MAML2: variants seen among roughly 807,000 people sequenced by gnomAD.
MAML2 encodes mastermind like transcriptional coactivator 2.
In MAML2, 22 loss-of-function variants were observed where a neutral mutation model predicts 96.1. The ratio of observed to expected loss-of-function variants is 0.23; its 90% confidence interval spans 0.16 to 0.33. The LOEUF (loss-of-function observed/expected upper bound fraction) is 0.33, where lower values mean the gene tolerates loss of function less well. Ranked by LOEUF, MAML2 falls within the 10% of genes least tolerant of loss-of-function variation. The pLI is 1.00. For synonymous variants in MAML2, 561 were observed against 521.3 expected (o/e 1.08, Z -1.04); for missense variants, 1,367 against 1,392.4 (o/e 0.98, Z 0.29).
intron 1 of MAML2, among the ~76,000 whole-genome samples, chr11:96,133,159 A>G (rs1014478396): frequency 2.6e-5 from 4 of 152,214 alleles, no homozygotes; most frequent in Admixed American, 2.6e-4. Context: ...GATAACTTTT[A>G]TCCAAGGTAC....
At position 96,118,276 on chromosome 11, in the gene MAML2, A is replaced by G. The variant is rs1054134117; in HGVS notation, c.514-24759T>C. ...TATACGGTTTGGCTCTGTGTCCCCA[A>G]CCAAATCTCATCTCAAATTGTAATC... is the stretch of plus-strand genomic sequence containing the variant. On this transcript the variant is annotated intron_variant, in intron 1 of 4. Coordinates refer to ENST00000524717, the MANE Select transcript of MAML2 (RefSeq NM_032427.4). Among the ~76,000 whole-genome samples the G allele has an allele frequency of 4.6e-5, 7 of 151,758 alleles. 1 individual carries two copies. Among genetic ancestry groups the G allele is most frequent in the African/African-American group, 1.2e-4 (5 of 41,384 alleles).
intron 1 of MAML2, among the ~76,000 whole-genome samples, chr11:96,194,762 A>G (rs1291181924): frequency 6.6e-6 from 1 of 151,616 alleles, no homozygotes; most frequent in Non-Finnish European, 1.5e-5. Flanking sequence ...CCCTTTCTTT[A>G]TTCTCAGGAA....
At chr11:96,127,924 C>T (rs1369411872) in intron 1 of MAML2, among the ~76,000 whole-genome samples, 2 of 152,102 alleles carry the variant, frequency 1.3e-5, no homozygotes, top group Non-Finnish European at 2.9e-5. Context: ...TGTTCAAATC[C>T]AGTAATGCAA....
chr11:96,139,206 G>A (rs541739922), intron 1 of MAML2, among the ~76,000 whole-genome samples: 1 of 152,252 alleles, frequency 6.6e-6, no homozygotes, highest in African/African-American at 2.4e-5. Context: ...AAAAGACAGT[G>A]GTGGCTCACA....
intron 2 of MAML2, among the ~76,000 whole-genome samples, chr11:96,091,147 A>C (rs1591006258): frequency 6.6e-6 from 1 of 152,306 alleles, no homozygotes; most frequent in East Asian, 1.9e-4. Context: ...CAAACGATGT[A>C]AGGTTACCAG....
intron 1 of MAML2, among the ~76,000 whole-genome samples, chr11:96,326,089 A>ACC (rs1555040453): frequency 1.1e-5 from 1 of 88,230 alleles, no homozygotes; most frequent in South Asian, 4.7e-4. Context: ...CTCTCTGTCT[A>ACC]CCCCGCCCCC....
chr11:96,216,038 T>TAA (rs71459795), intron 1 of MAML2, among the ~76,000 whole-genome samples: 1 of 149,960 alleles, frequency 6.7e-6, no homozygotes, highest in African/African-American at 2.4e-5. Context: ...TCAATTTGCT[T>TAA]AAAAAAAAAA....
At chr11:96,246,406 A>G (rs1862512893) in intron 1 of MAML2, among the ~76,000 whole-genome samples, 1 of 152,084 alleles carries the variant, frequency 6.6e-6, no homozygotes, top group Non-Finnish European at 1.5e-5. Context: ...ACATGGTTGA[A>G]CTACATACAA....
chr11:96,081,944 C>A (rs1859534746), intron 2 of MAML2, among the ~76,000 whole-genome samples: 1 of 152,190 alleles, frequency 6.6e-6, no homozygotes, highest in African/African-American at 2.4e-5. Flanking sequence ...TAAAATTATT[C>A]AAACCCATTT....
chr11:96,121,196 C>A (rs1860334839), intron 1 of MAML2, among the ~76,000 whole-genome samples: 1 of 152,200 alleles, frequency 6.6e-6, no homozygotes, highest in African/African-American at 2.4e-5. Context: ...AGAATCCAAA[C>A]CCCATCTTTG....
chr11:96,044,224 G>A (rs1171529994), intron 2 of MAML2, among the ~76,000 whole-genome samples: 1 of 152,216 alleles, frequency 6.6e-6, no homozygotes, highest in Non-Finnish European at 1.5e-5. Context: ...AGGGAGGCGT[G>A]CCTGGAAGGG....
chr11:96,065,547 T>C (rs1255739405), intron 2 of MAML2, among the ~76,000 whole-genome samples: 1 of 152,236 alleles, frequency 6.6e-6, no homozygotes, highest in Non-Finnish European at 1.5e-5. Flanking sequence ...ATTCATTCCA[T>C]AAATCTCTCT....
At chr11:96,230,455 C>T (rs925720096) in intron 1 of MAML2, among the ~76,000 whole-genome samples, 2 of 152,018 alleles carry the variant, frequency 1.3e-5, no homozygotes, top group Admixed American at 1.3e-4. Flanking sequence ...TTGATGTAGG[C>T]AAATGAAGCA....
intron 1 of MAML2, among the ~76,000 whole-genome samples, chr11:96,280,481 A>C (rs1565271797): frequency 1.3e-5 from 2 of 152,020 alleles, no homozygotes; most frequent in Admixed American, 1.3e-4. Flanking sequence ...TTCAGGTTTT[A>C]CTATTCTGTT....
intron 1 of MAML2, among the ~76,000 whole-genome samples, chr11:96,167,061 C>T (rs1437977065): frequency 6.6e-6 from 1 of 152,180 alleles, no homozygotes; most frequent in Non-Finnish European, 1.5e-5. Flanking sequence ...ATTTCTCTTC[C>T]CTGGAAGGAC....
chr11:96,242,240 G>A (rs999082609), intron 1 of MAML2, among the ~76,000 whole-genome samples: 5 of 152,194 alleles, frequency 3.3e-5, no homozygotes, highest in African/African-American at 1.2e-4. Context: ...TGAAAAGGTA[G>A]AGCACTCTCA....
chr11:96,122,365 A>G (rs764611210), intron 1 of MAML2, among the ~76,000 whole-genome samples: 4 of 152,124 alleles, frequency 2.6e-5, no homozygotes, highest in Non-Finnish European at 4.4e-5. Flanking sequence ...GAGCTGCAGA[A>G]AATCCTTCAG....
chr11:96,066,802 A>G (rs1340936733), intron 2 of MAML2, among the ~76,000 whole-genome samples: 1 of 152,214 alleles, frequency 6.6e-6, no homozygotes, highest in African/African-American at 2.4e-5. Flanking sequence ...AGTAAATAGA[A>G]CAGAATGTCC....
intron 1 of MAML2, among the ~76,000 whole-genome samples, chr11:96,122,449 G>A (rs1860364678): frequency 6.6e-6 from 1 of 152,028 alleles, no homozygotes; most frequent in Non-Finnish European, 1.5e-5. Context: ...TCAAAGAAGG[G>A]AGTTGCATAA....
Sources: allele counts gnomAD v4.1 joint callset (sites outside exome capture counted in the v4.1 genomes callset), GRCh38; gene constraint gnomAD v4.1.1; transcripts MANE v1.5; gene names NCBI Gene and HGNC (gene_info 2026-07-23, HGNC 2026-07-21).